The following STARD4 variants were observed in gnomAD, a reference collection of about 807,000 sequenced individuals.
The protein encoded by STARD4 is stAR-related lipid transfer protein 4.
A neutral mutation model predicts 24.9 loss-of-function variants in STARD4; 33 were observed. The observed-to-expected ratio is 1.32, with a 90% CI of 1.00 to 1.77. The LOEUF is 1.77. Among genes scored for constraint, STARD4 ranks in the 40% most tolerant of loss-of-function variants. The pLI is 0.00. For missense variants in STARD4, 238 were observed against 249.3 expected, an observed-to-expected ratio of 0.95 and a Z score of 0.31; for synonymous variants, 88 against 77.4, an observed-to-expected ratio of 1.14 and a Z score of -0.72.
chr5:111,500,388 C>G, intron 5 of STARD4: 1 of 1,122,302 alleles, frequency 8.9e-7, no homozygotes, highest in Non-Finnish European at 1.1e-6. Context: ...GTTGTAGTAT[C>G]CAGGCCTTGA....
At position 111,499,169 on chromosome 5, in the gene STARD4, G is replaced by C. The variant is rs1756260256; in HGVS notation, c.*717C>G. ...AAGTTCCCATTTTAGAAGTAAACTA[G>C]ATGGAGAGTTCAAAACCCAAAGTCA... is the stretch of plus-strand genomic sequence containing the variant. On this transcript the variant is annotated 3_prime_UTR_variant, in exon 6 of 6. Coordinates refer to ENST00000296632, the MANE Select transcript of STARD4 (RefSeq NM_139164.3). 2 of 152,200 alleles carry C rather than the reference G, an allele frequency of 1.3e-5. No homozygotes were observed. Among genetic ancestry groups the C allele is most frequent in the Admixed American group, 6.5e-5 (1 of 15,284 alleles). 9.4% of individuals were successfully genotyped at this position (152,200 alleles called of 1,614,324 possible).
rs775021903 is a variant in STARD4 at position 111,501,108 on chromosome 5, A to AG, written c.290_291insC (p.Val98CysfsTer21). The AG allele has an allele frequency of 1.3e-6, 2 of 1,590,516 alleles. No individual in the cohort carries two copies. Among genetic ancestry groups the AG allele is most frequent in the Non-Finnish European group, 1.7e-6 (2 of 1,172,898 alleles). The stretch of plus-strand genomic sequence containing the variant: ...GACCAGCAGTAGTGTAACGCATCAC[A>AG]CAGCAATTCTGAAAAAGAAGAGATA... On this transcript the variant is annotated frameshift_variant, in exon 5 of 6. Coordinates refer to ENST00000296632, the MANE Select transcript of STARD4 (RefSeq NM_139164.3). LOFTEE classifies it high-confidence loss of function.
rs1048306040 is a variant in STARD4 at position 111,496,113 on chromosome 5, T to C, written c.*3773A>G. On this transcript the variant is annotated 3_prime_UTR_variant, in exon 6 of 6. Coordinates refer to ENST00000296632, the MANE Select transcript of STARD4 (RefSeq NM_139164.3). ...CATATTTTATTGATACTAATACATA[T>C]TATTAGTTTAATAAATATTCTAGTT... 1.3e-5 allele frequency: 2 copies of C among 151,974 alleles called. No individual in the cohort carries two copies. The highest frequency in any genetic ancestry group is 4.8e-5 in the African/African-American group (2 of 41,410). 9.4% of individuals were successfully genotyped at this position (151,974 alleles called of 1,614,324 possible).
intron 1 of STARD4, among the ~76,000 whole-genome samples, chr5:111,509,822 G>A (rs548332054): frequency 1.4e-4 from 21 of 152,100 alleles, no homozygotes; most frequent in Non-Finnish European, 2.2e-4. Flanking sequence ...TAGAGCTTCT[G>A]AATAACTAAA....
rs935238114 is a variant in STARD4 at position 111,496,857 on chromosome 5, T to A, written c.*3029A>T. 7 of 152,030 alleles carry A rather than the reference T, an allele frequency of 4.6e-5. No homozygotes were observed. The highest frequency in any genetic ancestry group is 1.7e-4 in the African/African-American group (7 of 41,432). 9.4% of individuals were successfully genotyped at this position (152,030 alleles called of 1,614,324 possible). Reference sequence around the variant, plus strand: ...CTGAATGAACACTGAAATAAAAAGATTTTTAAGATTTACAAGCTCCCTAGT... The same window carrying A: ...CTGAATGAACACTGAAATAAAAAGAATTTTAAGATTTACAAGCTCCCTAGT... On this transcript the variant is annotated 3_prime_UTR_variant, in exon 6 of 6. Coordinates refer to ENST00000296632, the MANE Select transcript of STARD4 (RefSeq NM_139164.3).
intron 1 of STARD4, among the ~76,000 whole-genome samples, chr5:111,509,242 G>A (rs1376787081): frequency 6.6e-6 from 1 of 152,034 alleles, no homozygotes; most frequent in Non-Finnish European, 1.5e-5. Context: ...TAAACCCAAA[G>A]GTCACCTGCT....
intron 1 of STARD4, among the ~76,000 whole-genome samples, chr5:111,508,734 C>G (rs1218224113): frequency 1.3e-5 from 2 of 152,152 alleles, no homozygotes; most frequent in African/African-American, 4.8e-5. Context: ...TAGTCTAATT[C>G]AGTGGCTTTG....
intron 4 of STARD4, 149 bp downstream of exon 4, chr5:111,501,813 G>T: frequency 9.2e-7 from 1 of 1,087,392 alleles, no homozygotes; most frequent in Non-Finnish European, 1.3e-6. Context: ...GGCAGCATGG[G>T]ACTCCCCTGT....
Position 111,506,368 on chromosome 5 carries a change from A to C in STARD4, c.117T>G (p.Thr39=). The C allele has an allele frequency of 6.7e-7, 1 of 1,494,434 alleles. No individual in the cohort carries two copies. The highest frequency in any genetic ancestry group is 9.2e-7 in the Non-Finnish European group (1 of 1,085,304). The allele number at this position is 1,494,434 out of a possible 1,614,324, so 92.6% of individuals were successfully genotyped here. ...WRVAKKTKDV[T]VWRKPSEEFN... ...ATTCTTCTGAGGGTTTTCTCCAAAC[A>C]GTTACATCTTTCTAGAAAAATAAAA... The change falls in exon 3 of 6, where the codon ACT becomes ACG. Residue 39 remains threonine (T), a synonymous_variant. Coordinates refer to ENST00000296632, the MANE Select transcript of STARD4 (RefSeq NM_139164.3).
At position 111,496,903 on chromosome 5, in the gene STARD4, A is replaced by G. The variant is rs917670270; in HGVS notation, c.*2983T>C. On this transcript the variant is annotated 3_prime_UTR_variant, in exon 6 of 6. Transcript: ENST00000296632. ...CTAGTACTTTAGCAATTTATCTTAT[A>G]GATTAGTTAACTACAGAATACTAGA... The G allele has an allele frequency of 2.6e-5, 4 of 152,082 alleles. No homozygotes were observed. Among genetic ancestry groups the G allele is most frequent in the African/African-American group, 9.7e-5 (4 of 41,430 alleles). 9.4% of individuals were successfully genotyped at this position (152,082 alleles called of 1,614,324 possible).
In STARD4 at chr5:111,500,015, G is replaced by C; in HGVS notation, c.489C>G (p.Asn163Lys). Residue 163 changes from asparagine to lysine, a missense_variant, in exon 6 of 6, where the codon AAC becomes AAG. Coordinates refer to ENST00000296632, the MANE Select transcript of STARD4 (RefSeq NM_139164.3). ...CGWFCVPLKD[N>K]PNQSLLTGYI... is the part of the protein sequence containing the mutation. ...ATCCTGTCAAAAGACTCTGGTTTGG[G>C]TTGTCTTTAAGTGGAACACAAAACC... is the stretch of plus-strand genomic sequence containing the variant. The C allele has an allele frequency of 6.2e-7, 1 of 1,614,114 alleles. No homozygotes were observed. The highest frequency in any genetic ancestry group is 2.2e-5 in the East Asian group (1 of 44,868).
intron 3 of STARD4, among the ~76,000 whole-genome samples, chr5:111,503,370 C>T (rs1446899622): frequency 6.6e-6 from 1 of 152,172 alleles, no homozygotes; most frequent in South Asian, 2.1e-4. Flanking sequence ...GTGGCTCATG[C>T]CTGTAATCCC....
intron 3 of STARD4, 107 bp from the exon 4 acceptor site, chr5:111,502,195 A>C: frequency 3.0e-6 from 4 of 1,317,834 alleles, no homozygotes; most frequent in Non-Finnish European, 4.1e-6. Context: ...TAGGCCGGGT[A>C]GGGTGGCTCA....
rs1756974577 is a variant in STARD4, at chr5:111,507,783, C to A, written c.-9-341G>T. On this transcript the variant is annotated intron_variant, in intron 1 of 5. Transcript: ENST00000296632. The surrounding 1 kb of genome is among the most constrained non-coding windows in gnomAD (Gnocchi z 4.4). ...TAACTCTCAAACATTTACCTCCAGT[C>A]CTCTTTGTTTCAATGAGCTCAAAAA... is the stretch of plus-strand genomic sequence containing the variant. Among the ~76,000 whole-genome samples, 1 of 152,092 alleles carries A rather than the reference C, an allele frequency of 6.6e-6. No homozygotes were observed. The highest frequency in any genetic ancestry group is 1.9e-4 in the East Asian group (1 of 5,202).
At chr5:111,500,856 T>C in intron 5 of STARD4, 146 bp downstream of exon 5, 1 of 1,552,800 alleles carries the variant, frequency 6.4e-7, no homozygotes, top group South Asian at 1.2e-5. Context: ...GCTATTTTAC[T>C]CCCTAGAGTT....
At position 111,507,384 on chromosome 5, in the gene STARD4, G is replaced by C. The variant is rs1458373885; in HGVS notation, c.50C>G (p.Thr17Ser). The C allele has an allele frequency of 6.2e-7, 1 of 1,613,674 alleles. No individual in the cohort carries two copies. The highest frequency in any genetic ancestry group is 1.1e-5 in the South Asian group (1 of 90,982). The change falls in exon 2 of 6, where the codon ACT (threonine) becomes AGT (serine). Residue 17 changes from threonine (T) to serine (S), a missense_variant. Physicochemically the swap from Thr to Ser is moderately conservative, Grantham distance 58. Transcript: ENST00000296632. The surrounding 1 kb of genome is among the most constrained non-coding windows in gnomAD (Gnocchi z 4.4). ...VASFATKLKN[T>S]LIQYHSIEED... ...TTCAATGCTATGGTACTGGATGAGA[G>C]TGTTTTTAAGTTTAGTTGCAAAAGA...
intron 3 of STARD4, 124 bp from the exon 4 acceptor site, chr5:111,502,212 T>A (rs1325203732): frequency 2.9e-5 from 32 of 1,117,396 alleles, no homozygotes; most frequent in Non-Finnish European, 3.7e-5. Flanking sequence ...CTCATGTCTG[T>A]AATCCCAGCA....
At position 111,507,636 on chromosome 5, in the gene STARD4, G is replaced by A. The variant is rs1756963086; in HGVS notation, c.-9-194C>T. On this transcript the variant is annotated intron_variant, in intron 1 of 5. Transcript: ENST00000296632. The surrounding 1 kb of genome is among the most constrained non-coding windows in gnomAD (Gnocchi z 4.4). The stretch of plus-strand genomic sequence containing the variant: ...GTTTTTTTCTAATTGCTCCCAAGAT[G>A]AATAACCCATAGCCAGAGGTGAGAA... 6.6e-6 allele frequency among the ~76,000 whole-genome samples: 1 copy of A among 152,060 alleles called. No homozygotes were observed. Among genetic ancestry groups the A allele is most frequent in the Admixed American group, 6.5e-5 (1 of 15,268 alleles).
chr5:111,502,854 C>G (rs375456283), intron 3 of STARD4, among the ~76,000 whole-genome samples: 11 of 150,736 alleles, frequency 7.3e-5, no homozygotes, highest in African/African-American at 2.7e-4. Context: ...ATCCCAATAA[C>G]TTTTCTGATA....
Sources: gnomAD v4.1 joint callset for allele counts (sites outside exome capture counted in the v4.1 genomes callset) on GRCh38, gnomAD v4.1.1 for gene constraint, Gnocchi (gnomAD v3.1) non-coding constraint, MANE v1.5 for transcripts, NCBI Gene and HGNC (gene_info 2026-07-23, HGNC 2026-07-21) for gene names.